The following IKZF1 variants were observed in gnomAD, a reference collection of about 807,000 sequenced individuals.
IKZF1 encodes IKAROS family zinc finger 1.
IKZF1 carries 10 observed loss-of-function variants against 51.7 expected under a neutral mutation model. The observed-to-expected ratio is 0.19, with a 90% CI of 0.12 to 0.33. IKZF1 has a LOEUF of 0.33. Ranked by LOEUF, IKZF1 falls within the 10% of genes least tolerant of loss-of-function variation. The probability of loss-of-function intolerance (pLI) is 1.00; values close to 1 mark genes in which losing one functional copy is unlikely to be tolerated. For synonymous variants in IKZF1, 280 were observed against 282.3 expected (o/e 0.99, Z 0.08); for missense variants, 484 against 707.5 (o/e 0.68, Z 3.58).
chr7:50,385,620 C>A (rs1310050733), intron 5 of IKZF1, among the ~76,000 whole-genome samples: 4 of 152,154 alleles, frequency 2.6e-5, no homozygotes, highest in Admixed American at 1.3e-4. Context: ...AGTGAACATA[C>A]TTCTTATGTT....
intron 3 of IKZF1, among the ~76,000 whole-genome samples, chr7:50,356,563 GT>G (rs1482457890): frequency 6.6e-6 from 1 of 152,198 alleles, no homozygotes. Flanking sequence ...ACGGCTGTGT[GT>G]CTGTGCGTGT....
chr7:50,354,294 A>C (rs1021252223), intron 3 of IKZF1, among the ~76,000 whole-genome samples: 2 of 152,212 alleles, frequency 1.3e-5, no homozygotes, highest in African/African-American at 4.8e-5. Context: ...CCAGTTGGTT[A>C]CTGCTGTGGG....
chr7:50,346,833 C>A (rs535212015), intron 3 of IKZF1, among the ~76,000 whole-genome samples: 1 of 152,276 alleles, frequency 6.6e-6, no homozygotes, highest in East Asian at 1.9e-4. Flanking sequence ...TCCATGCTTC[C>A]CAACTTTATT....
chr7:50,345,060 G>A (rs1040292284), intron 3 of IKZF1, among the ~76,000 whole-genome samples: 3 of 151,892 alleles, frequency 2.0e-5, no homozygotes, highest in Non-Finnish European at 4.4e-5. Flanking sequence ...AATATTTTAA[G>A]CTTTGCTATA....
intron 3 of IKZF1, among the ~76,000 whole-genome samples, chr7:50,356,831 C>T (rs1452166148): frequency 6.6e-6 from 1 of 152,114 alleles, no homozygotes; most frequent in Admixed American, 6.5e-5. Context: ...GTGTCACAAT[C>T]GCTGTGCTTG....
chr7:50,312,636 A>G (rs1390844112), intron 1 of IKZF1, among the ~76,000 whole-genome samples: 1 of 152,238 alleles, frequency 6.6e-6, no homozygotes, highest in East Asian at 1.9e-4. Context: ...ATACCTCTTT[A>G]CCAAGAAAAC....
intron 3 of IKZF1, among the ~76,000 whole-genome samples, chr7:50,343,957 C>G (rs978101445): frequency 3.9e-4 from 59 of 152,128 alleles, no homozygotes; most frequent in African/African-American, 1.4e-3. Flanking sequence ...TTTTTTTGTT[C>G]ACAAATAAGG....
At position 50,376,686 on chromosome 7, in the gene IKZF1, C is replaced by T. The variant is rs761574077; in HGVS notation, c.314C>T (p.Ser105Leu). ...AGGGACCAAGGCAGCTCGGCTTTGT[C>T]GGGAGTTGGAGGCATTCGACTTCCT... ...SHRDQGSSALSGVGGIRLPNG... is the reference protein window; with the variant it reads ...SHRDQGSSALLGVGGIRLPNG... The change falls in exon 4 of 8, where the codon TCG (serine) becomes TTG (leucine). Residue 105 changes from serine (S) to leucine (L), a missense_variant. This residue lies in a region of IKZF1 where 118 missense variants were observed against 138.4 expected (regional missense o/e 0.85). Transcript: ENST00000331340. This position sits in a 1 kb window ranked among gnomAD's most constrained non-coding sequence, Gnocchi z 4.5. The T allele has an allele frequency of 5.6e-6, 9 of 1,613,716 alleles. No individual in the cohort carries two copies. Among genetic ancestry groups the T allele is most frequent in the South Asian group, 1.1e-5 (1 of 91,054 alleles).
chr7:50,378,118 A>G (rs775065398), intron 4 of IKZF1, among the ~76,000 whole-genome samples: 2 of 152,214 alleles, frequency 1.3e-5, no homozygotes, highest in Non-Finnish European at 2.9e-5. Context: ...CAGGAAATGC[A>G]GATATTTGTG....
intron 3 of IKZF1, among the ~76,000 whole-genome samples, chr7:50,340,389 G>A (rs1346583808): frequency 1.3e-5 from 2 of 152,222 alleles, no homozygotes; most frequent in African/African-American, 2.4e-5. Flanking sequence ...ACCAGGAGAT[G>A]ATTCTGGTGA....
rs1789328834 is a variant in IKZF1 at position 50,308,416 on chromosome 7, A to G, written c.-15+3494A>G. On this transcript the variant is annotated intron_variant, in intron 1 of 7. Coordinates refer to ENST00000331340, the MANE Select transcript of IKZF1 (RefSeq NM_006060.6). ...ACCACCTGGTAATAAACTGTTAAAA[A>G]TGGTGCAAACCCTAGGTCACAGGTG... is the stretch of plus-strand genomic sequence containing the variant. 2.0e-5 allele frequency among the ~76,000 whole-genome samples: 3 copies of G among 152,250 alleles called. 1 individual carries two copies. The highest frequency in any genetic ancestry group is 6.5e-5 in the Admixed American group (1 of 15,286).
At chr7:50,322,459 C>A (rs1028636298) in intron 2 of IKZF1, among the ~76,000 whole-genome samples, 7 of 151,834 alleles carry the variant, frequency 4.6e-5, no homozygotes, top group African/African-American at 1.7e-4. Flanking sequence ...TGGGCTATAC[C>A]CTGGTTTACA....
At position 50,376,363 on chromosome 7, in the gene IKZF1, C is replaced by T. The variant is rs890012287; in HGVS notation, c.161-170C>T. Among the ~76,000 whole-genome samples, 4 of 152,248 alleles carry T rather than the reference C, an allele frequency of 2.6e-5. No homozygotes were observed. Among genetic ancestry groups the T allele is most frequent in the Admixed American group, 6.5e-5 (1 of 15,288 alleles). ...TCCCGAGGCCTGCCACCGAAGCCCA[C>T]TCAAGGCTGAATGCACGGCGAGCTC... On this transcript the variant is annotated intron_variant, in intron 3 of 7. Coordinates refer to ENST00000331340, the MANE Select transcript of IKZF1 (RefSeq NM_006060.6). This position sits in a 1 kb window ranked among gnomAD's most constrained non-coding sequence, Gnocchi z 4.5.
rs1438285951 is a variant in IKZF1 at position 50,403,654 on chromosome 7, T to A, written c.*3027T>A. Reference sequence around the variant, plus strand: ...AAACTCATCACATTATCATTGCATATCAGCAAAGGGTAAAGTCCTAGCACC... The same window carrying A: ...AAACTCATCACATTATCATTGCATAACAGCAAAGGGTAAAGTCCTAGCACC... On this transcript the variant is annotated 3_prime_UTR_variant, in exon 8 of 8. Transcript: ENST00000331340. 4.4e-6 allele frequency: 1 copy of A among 228,322 alleles called. No homozygotes were observed. Among genetic ancestry groups the A allele is most frequent in the Admixed American group, 5.7e-5 (1 of 17,610 alleles). The allele number at this position is 228,322 out of a possible 1,614,324, so 14.1% of individuals were successfully genotyped here.
intron 3 of IKZF1, among the ~76,000 whole-genome samples, chr7:50,367,172 C>T (rs977332573): frequency 6.6e-5 from 10 of 152,190 alleles, no homozygotes; most frequent in African/African-American, 1.7e-4. Flanking sequence ...AAGCAAAGTT[C>T]AGTAGGTCTG....
chr7:50,335,279 GTA>G (rs1477487514), intron 3 of IKZF1, among the ~76,000 whole-genome samples: 3 of 149,606 alleles, frequency 2.0e-5, no homozygotes, highest in Non-Finnish European at 3.0e-5. Flanking sequence ...TGTGTGGTGT[GTA>G]TATGTGTTGT....
chr7:50,319,135 C>T lies in IKZF1; in HGVS notation c.40+34C>T, dbSNP rs368470803. ...TTATGAGATAGCTGTGTGGGAAGTT[C>T]ATGAGAAAAGCTTCCCTGGGGCCGG... On this transcript the variant is annotated intron_variant, in intron 2 of 7. Transcript: ENST00000331340. 2.0e-5 allele frequency: 32 copies of T among 1,604,850 alleles called. 1 individual carries two copies. Among genetic ancestry groups the T allele is most frequent in the South Asian group, 9.9e-5 (9 of 90,760 alleles).
chr7:50,305,567 C>A lies in IKZF1; in HGVS notation c.-15+645C>A, dbSNP rs576874965. On this transcript the variant is annotated intron_variant, in intron 1 of 7. Coordinates refer to ENST00000331340, the MANE Select transcript of IKZF1 (RefSeq NM_006060.6). ...TTGGAGGCATCTAATGACCGAAAAC[C>A]GTAGCGATTCCATAGGGTCTGACCA... Among the ~76,000 whole-genome samples, 26 of 152,272 alleles carry A rather than the reference C, an allele frequency of 1.7e-4. No homozygotes were observed. In the South Asian group the frequency reaches 4.1e-3, roughly 24 times the overall value.
rs536961397 is a variant in IKZF1, at chr7:50,385,898, T to C, written c.590-1447T>C. ...AAAGAAAGATCCTTTTCATTCTCTA[T>C]TAAATGGTCGAGAAGTCAAATTTTG... On this transcript the variant is annotated intron_variant, in intron 5 of 7. Coordinates refer to ENST00000331340, the MANE Select transcript of IKZF1 (RefSeq NM_006060.6). 6.6e-5 allele frequency among the ~76,000 whole-genome samples: 10 copies of C among 152,380 alleles called. No individual in the cohort carries two copies. The East Asian group carries it at 1.9e-3, about 29-fold the overall frequency.
Sources: allele counts gnomAD v4.1 joint callset (sites outside exome capture counted in the v4.1 genomes callset), GRCh38; gene constraint gnomAD v4.1.1; regional missense constraint gnomAD v4.1.1; non-coding constraint Gnocchi (gnomAD v3.1); transcripts MANE v1.5; gene names NCBI Gene and HGNC (gene_info 2026-07-23, HGNC 2026-07-21).